The following USH2A variants were observed in gnomAD, a reference collection of about 807,000 sequenced individuals.
USH2A encodes the protein Usher syndrome 2A (autosomal recessive, mild).
Under a neutral mutation model 538.9 loss-of-function variants are expected in USH2A, and 443 were observed. That is an observed-to-expected ratio of 0.82 (90% CI 0.76 to 0.89). The LOEUF is 0.89. USH2A is among the 40% of genes least tolerant of loss of function. The pLI, the probability that USH2A is intolerant of heterozygous loss-of-function variation, is 0.00. For synonymous variants in USH2A, 2,413 were observed against 2,273.5 expected (o/e 1.06, Z -1.75); for missense variants, 6,633 against 6,324.8 (o/e 1.05, Z -1.65).
At chr1:215,897,963 C>T (rs1665394729) in intron 40 of USH2A, among the ~76,000 whole-genome samples, 1 of 152,138 alleles carries the variant, frequency 6.6e-6, no homozygotes, top group Non-Finnish European at 1.5e-5. Context: ...TGCCCAATGC[C>T]AATCACTCAG....
chr1:216,169,814 T>TA (rs565774725), intron 21 of USH2A, among the ~76,000 whole-genome samples: 3 of 152,196 alleles, frequency 2.0e-5, no homozygotes, highest in Non-Finnish European at 4.4e-5. Flanking sequence ...GCCTGTTCAT[T>TA]AAACTTCTAG....
rs1558146453 is a variant in USH2A, at chr1:215,888,777, CG to C, written c.7871del (p.Pro2624ArgfsTer17). On this transcript the variant is annotated frameshift_variant, in exon 41 of 72. Transcript: ENST00000307340. LOFTEE classifies it high-confidence loss of function. ...SQTVWTLPGA[P>X]EGIPSPELFS... ...ACAGCTCTGGACTTGGGATCCCTTC[CG>C]GTGCCCCTGGGAGTGTCCATACAGT... is the stretch of plus-strand genomic sequence containing the variant. 2 of 1,614,042 alleles carry C rather than the reference CG, an allele frequency of 1.2e-6. No homozygotes were observed. The highest frequency in any genetic ancestry group is 2.2e-5 in the South Asian group (2 of 91,074).
At chr1:216,224,447 T>C (rs1558327624) in intron 14 of USH2A, among the ~76,000 whole-genome samples, 1 of 152,210 alleles carries the variant, frequency 6.6e-6, no homozygotes, top group Non-Finnish European at 1.5e-5. Context: ...GATTAAATCA[T>C]GTTTGCTTTA....
intron 61 of USH2A, among the ~76,000 whole-genome samples, chr1:215,716,887 T>A (rs1358481934): frequency 6.6e-6 from 1 of 152,204 alleles, no homozygotes; most frequent in Non-Finnish European, 1.5e-5. Context: ...ATTTTGTTAC[T>A]CTTTGGTTGG....
In USH2A at chr1:215,623,625, A is replaced by G. The variant is rs938482584; in HGVS notation, c.*2156T>C. The G allele has an allele frequency of 6.6e-6, 1 of 152,146 alleles. No individual in the cohort carries two copies. Among genetic ancestry groups the G allele is most frequent in the African/African-American group, 2.4e-5 (1 of 41,454 alleles). 9.4% of individuals were successfully genotyped at this position (152,146 alleles called of 1,614,324 possible). A position where few individuals can be genotyped will look rare whatever the true frequency, so the allele number is the denominator to read the frequency against. ...GGGGACAGAGTTCTGGGCAGAAGCC[A>G]TACAGGCTTCTGTCTGCCCTAAGCT... On this transcript the variant is annotated 3_prime_UTR_variant, in exon 72 of 72. Transcript: ENST00000307340.
intron 9 of USH2A, among the ~76,000 whole-genome samples, chr1:216,320,518 T>C (rs946861187): frequency 1.3e-5 from 2 of 152,180 alleles, no homozygotes; most frequent in Non-Finnish European, 2.9e-5. Context: ...AAATTTAATT[T>C]TAGTAGAGGT....
intron 61 of USH2A, among the ~76,000 whole-genome samples, chr1:215,695,591 A>T (rs1485883258): frequency 2.0e-5 from 3 of 152,142 alleles, no homozygotes; most frequent in Non-Finnish European, 4.4e-5. Flanking sequence ...GGGAAAAGAA[A>T]CTCATTTTGA....
intron 61 of USH2A, among the ~76,000 whole-genome samples, chr1:215,690,970 A>G (rs1157798015): frequency 6.6e-6 from 1 of 151,650 alleles, no homozygotes; most frequent in Non-Finnish European, 1.5e-5. Context: ...TGCAACCTCC[A>G]CCTCCCAGGT....
intron 46 of USH2A, among the ~76,000 whole-genome samples, chr1:215,839,914 G>A (rs1276435867): frequency 6.6e-6 from 1 of 152,054 alleles, no homozygotes; most frequent in Non-Finnish European, 1.5e-5. Flanking sequence ...TTCCAGCACT[G>A]TGGGAAGCTT....
intron 44 of USH2A, among the ~76,000 whole-genome samples, chr1:215,862,149 C>T (rs562884626): frequency 1.6e-4 from 24 of 152,208 alleles, no homozygotes; most frequent in African/African-American, 5.8e-4. Context: ...AAGTTTTCAA[C>T]ATTTTAACTA....
At chr1:215,866,437 TC>T (rs1350867530) in intron 44 of USH2A, among the ~76,000 whole-genome samples, 1 of 152,138 alleles carries the variant, frequency 6.6e-6, no homozygotes, top group Non-Finnish European at 1.5e-5. Context: ...TTTAAGTGGA[TC>T]CAGTGGTGAT....
At chr1:215,853,319 G>C (rs1438205091) in intron 44 of USH2A, among the ~76,000 whole-genome samples, 1 of 152,144 alleles carries the variant, frequency 6.6e-6, no homozygotes, top group Non-Finnish European at 1.5e-5. Context: ...CTGAGAAACA[G>C]GGCACCAAGT....
intron 21 of USH2A, among the ~76,000 whole-genome samples, chr1:216,146,273 T>C (rs943986193): frequency 6.6e-6 from 1 of 152,236 alleles, no homozygotes; most frequent in African/African-American, 2.4e-5. Context: ...TCAATCTTGG[T>C]GCCACACTTC....
intron 21 of USH2A, among the ~76,000 whole-genome samples, chr1:216,124,154 G>T (rs2033198386): frequency 6.6e-6 from 1 of 152,116 alleles, no homozygotes; most frequent in Non-Finnish European, 1.5e-5. Flanking sequence ...TAAACACAAT[G>T]TTGCCCAGGC....
chr1:215,632,531 A>G (rs910117655), intron 70 of USH2A, among the ~76,000 whole-genome samples: 1 of 152,208 alleles, frequency 6.6e-6, no homozygotes, highest in African/African-American at 2.4e-5. Context: ...GGGTCAAAGG[A>G]CAGGAGAAAG....
intron 32 of USH2A, among the ~76,000 whole-genome samples, chr1:216,038,704 G>A (rs1283217080): frequency 6.6e-6 from 1 of 151,952 alleles, no homozygotes; most frequent in Non-Finnish European, 1.5e-5. Context: ...GTACCCTTAA[G>A]ATGTGTCCAC....
intron 37 of USH2A, among the ~76,000 whole-genome samples, chr1:215,953,512 T>C (rs924139347): frequency 1.3e-5 from 2 of 152,168 alleles, no homozygotes; most frequent in Admixed American, 6.5e-5. Context: ...GCTAGCCATA[T>C]GTAGAAGCTG....
chr1:216,382,659 G>T (rs2038940579), intron 3 of USH2A, among the ~76,000 whole-genome samples: 1 of 152,184 alleles, frequency 6.6e-6, no homozygotes, highest in Non-Finnish European at 1.5e-5. Flanking sequence ...AGTCATGGTT[G>T]TGAGTAAGAA....
intron 43 of USH2A, among the ~76,000 whole-genome samples, chr1:215,874,481 A>C (rs1664708488): frequency 6.6e-6 from 1 of 152,218 alleles, no homozygotes; most frequent in Admixed American, 6.5e-5. Flanking sequence ...GTACATGTAG[A>C]TATAAAAGAA....
Sources: gnomAD v4.1 joint callset for allele counts (sites outside exome capture counted in the v4.1 genomes callset) on GRCh38, gnomAD v4.1.1 for gene constraint, MANE v1.5 for transcripts, NCBI Gene and HGNC (gene_info 2026-07-23, HGNC 2026-07-21) for gene names.